AGBL4: variants seen among roughly 807,000 people sequenced by gnomAD.
The protein encoded by AGBL4 is cytosolic carboxypeptidase 6.
In AGBL4, 58 loss-of-function variants were observed where a neutral mutation model predicts 66.4. The ratio of observed to expected loss-of-function variants is 0.87; its 90% CI spans 0.71 to 1.09. AGBL4 has a LOEUF of 1.09. AGBL4 is among the 50% of genes least tolerant of loss of function. The pLI, the probability that AGBL4 is intolerant of heterozygous loss-of-function variation, is 0.00. For synonymous variants in AGBL4, 234 were observed against 222.9 expected, an observed-to-expected ratio of 1.05 and a Z score of -0.44; for missense variants, 579 against 631.0, an observed-to-expected ratio of 0.92 and a Z score of 0.88.
intron 2 of AGBL4, chr1:49,842,459 GCTCT>G (rs1398046204): frequency 1.1e-6 from 1 of 917,216 alleles, no homozygotes; most frequent in Non-Finnish European, 1.3e-6. Flanking sequence ...GTCTGCATGT[GCTCT>G]CTAATTCTTC....
intron 9 of AGBL4, among the ~76,000 whole-genome samples, chr1:48,606,609 C>A (rs1645157502): frequency 6.6e-6 from 1 of 152,152 alleles, no homozygotes; most frequent in Non-Finnish European, 1.5e-5. Context: ...AAGGGATGCA[C>A]TACATGATCT....
intron 4 of AGBL4, among the ~76,000 whole-genome samples, chr1:49,102,781 T>C (rs1041152410): frequency 1.1e-4 from 16 of 152,188 alleles, no homozygotes; most frequent in African/African-American, 3.9e-4. Flanking sequence ...AAGCCATATA[T>C]AGCATATACA....
chr1:49,742,778 C>T (rs549485094), intron 2 of AGBL4, among the ~76,000 whole-genome samples: 3 of 152,146 alleles, frequency 2.0e-5, no homozygotes, highest in African/African-American at 7.2e-5. Context: ...CTTTGACAAA[C>T]CTGACAAAAA....
At chr1:49,667,992 A>G (rs1285329012) in intron 3 of AGBL4, among the ~76,000 whole-genome samples, 6 of 152,208 alleles carry the variant, frequency 3.9e-5, no homozygotes, top group African/African-American at 9.6e-5. Context: ...TGTGTTGTGA[A>G]GATGCAATAA....
At chr1:49,354,522 TTCTC>T in intron 3 of AGBL4, among the ~76,000 whole-genome samples, 1 of 151,720 alleles carries the variant, frequency 6.6e-6, no homozygotes, top group Non-Finnish European at 1.5e-5. Flanking sequence ...TTTCTTCTTC[TTCTC>T]TATCTACACT....
intron 5 of AGBL4, among the ~76,000 whole-genome samples, chr1:48,957,311 G>T (rs1400449402): frequency 6.6e-6 from 1 of 152,114 alleles, no homozygotes; most frequent in Non-Finnish European, 1.5e-5. Flanking sequence ...GATATTTACA[G>T]CTCTAGTTCA....
At chr1:49,835,921 C>A (rs1473767695) in intron 2 of AGBL4, among the ~76,000 whole-genome samples, 1 of 152,160 alleles carries the variant, frequency 6.6e-6, no homozygotes, top group Non-Finnish European at 1.5e-5. Flanking sequence ...CTGGTTCTGG[C>A]TTCTAGGATT....
intron 1 of AGBL4, among the ~76,000 whole-genome samples, chr1:49,938,120 G>C (rs1182618092): frequency 6.7e-6 from 1 of 150,274 alleles, no homozygotes; most frequent in Non-Finnish European, 1.5e-5. Flanking sequence ...AAGAAGAAAA[G>C]AGAGAAGAAT....
intron 1 of AGBL4, among the ~76,000 whole-genome samples, chr1:49,873,915 G>T (rs1352095337): frequency 3.9e-5 from 6 of 151,910 alleles, no homozygotes; most frequent in Admixed American, 2.6e-4. Flanking sequence ...GGAACTCAAA[G>T]GACCTAAAAT....
At chr1:49,222,395 T>C (rs1376154915) in intron 4 of AGBL4, among the ~76,000 whole-genome samples, 3 of 152,106 alleles carry the variant, frequency 2.0e-5, no homozygotes, top group African/African-American at 4.8e-5. Context: ...GTCATGAACT[T>C]GGCCACAAAT....
intron 2 of AGBL4, among the ~76,000 whole-genome samples, chr1:49,748,778 CAT>C (rs551504313): frequency 1.8e-3 from 273 of 152,100 alleles, no homozygotes; most frequent in Middle Eastern, 6.8e-3. Context: ...CTTTTTTTCA[CAT>C]GTTTGTTGGC....
At chr1:48,667,897 C>T (rs993620704) in intron 6 of AGBL4, among the ~76,000 whole-genome samples, 1 of 152,106 alleles carries the variant, frequency 6.6e-6, no homozygotes, top group Non-Finnish European at 1.5e-5. Flanking sequence ...GTTTTGTTTC[C>T]CCATTCCTCC....
chr1:49,541,616 C>T (rs565645596), intron 3 of AGBL4, among the ~76,000 whole-genome samples: 12 of 152,280 alleles, frequency 7.9e-5, no homozygotes, highest in Middle Eastern at 3.4e-3. Context: ...GAGCCTCCCC[C>T]CTGCTGTGGG....
At chr1:49,664,591 T>C (rs1382121209) in intron 3 of AGBL4, among the ~76,000 whole-genome samples, 1 of 152,118 alleles carries the variant, frequency 6.6e-6, no homozygotes, top group Non-Finnish European at 1.5e-5. Context: ...ATGACATTGC[T>C]TCTTTCTGAT....
At chr1:49,120,277 CT>C (rs1353386411) in intron 4 of AGBL4, among the ~76,000 whole-genome samples, 2 of 152,090 alleles carry the variant, frequency 1.3e-5, no homozygotes, top group Non-Finnish European at 2.9e-5. Context: ...CATTGATGGT[CT>C]TTACAATTTG....
intron 4 of AGBL4, among the ~76,000 whole-genome samples, chr1:49,118,909 T>C (rs1220117226): frequency 6.6e-6 from 1 of 152,184 alleles, no homozygotes; most frequent in Non-Finnish European, 1.5e-5. Flanking sequence ...TTCAACTTCG[T>C]CTTGGTTTAG....
intron 2 of AGBL4, among the ~76,000 whole-genome samples, chr1:49,796,111 C>A (rs1480563076): frequency 1.3e-5 from 2 of 151,518 alleles, no homozygotes; most frequent in Non-Finnish European, 3.0e-5. Flanking sequence ...AAAAACTGGG[C>A]AAAAGATATG....
At chr1:49,474,702 T>C (rs1235574198) in intron 3 of AGBL4, among the ~76,000 whole-genome samples, 2 of 152,056 alleles carry the variant, frequency 1.3e-5, no homozygotes. Flanking sequence ...TTTGGCAGAA[T>C]CTTCAGGGTT....
chr1:49,916,816 G>A (rs1651562746), intron 1 of AGBL4, among the ~76,000 whole-genome samples: 1 of 152,182 alleles, frequency 6.6e-6, no homozygotes, highest in Non-Finnish European at 1.5e-5. Context: ...AGGAAAAAAT[G>A]TTAAGGGCAG....
Sources: gnomAD v4.1 joint callset for allele counts (sites outside exome capture counted in the v4.1 genomes callset) on GRCh38, gnomAD v4.1.1 for gene constraint, MANE v1.5 for transcripts, NCBI Gene and HGNC (gene_info 2026-07-23, HGNC 2026-07-21) for gene names.